Variants in TATDN1 observed in about 807,000 individuals in gnomAD.
TATDN1 encodes TatD DNase domain containing 1, also known as deoxyribonuclease TATDN1.
TATDN1 carries 40 observed loss-of-function variants against 46.4 expected under a neutral mutation model. That is an observed-to-expected ratio of 0.86 (90% CI 0.67 to 1.12). The LOEUF (loss-of-function observed/expected upper bound fraction) is 1.12. Ranked by LOEUF, TATDN1 falls within the 50% of genes most tolerant of loss-of-function variation. TATDN1 has a pLI of 0.00. For missense variants in TATDN1, 326 were observed against 348.4 expected, an observed-to-expected ratio of 0.94 and a Z score of 0.51; for synonymous variants, 95 against 105.6, an observed-to-expected ratio of 0.90 and a Z score of 0.62.
rs1407288151 is a variant in TATDN1, at chr8:124,539,002, G to C, written c.22+23C>G. ...CCGGGACAAGTCAGAAAGACCCAAGGGCGTGGAAAACGCTCCTCTTACCGA... is the reference window on the plus strand; with the variant it reads ...CCGGGACAAGTCAGAAAGACCCAAGCGCGTGGAAAACGCTCCTCTTACCGA... On this transcript the variant is annotated intron_variant, in intron 1 of 11. Coordinates refer to ENST00000276692, the MANE Select transcript of TATDN1 (RefSeq NM_032026.4). 3 of 1,613,950 alleles carry C rather than the reference G, an allele frequency of 1.9e-6. No individual in the cohort carries two copies. In the Admixed American group the frequency reaches 5.0e-5, roughly 27 times the overall value.
At chr8:124,519,638 CA>C (rs1424664844) in intron 3 of TATDN1, among the ~76,000 whole-genome samples, 4 of 152,084 alleles carry the variant, frequency 2.6e-5, no homozygotes, top group Non-Finnish European at 5.9e-5. Context: ...CTCACACAAA[CA>C]AAAGCTCTTT....
At chr8:124,517,211 CGAGGTCAGGAGTTCAA>C in intron 4 of TATDN1, among the ~76,000 whole-genome samples, 1 of 152,248 alleles carries the variant, frequency 6.6e-6, no homozygotes, top group South Asian at 2.1e-4. Flanking sequence ...GGGCAGATCA[CGAGGTCAGGAGTTCAA>C]GACCAGCCTG....
chr8:124,517,900 A>G (rs376237152), intron 4 of TATDN1, among the ~76,000 whole-genome samples: 14 of 152,136 alleles, frequency 9.2e-5, no homozygotes, highest in African/African-American at 3.1e-4. Context: ...AAACACACAC[A>G]TGAATTCCAC....
At chr8:124,518,260 C>T (rs1819694286) in intron 4 of TATDN1, among the ~76,000 whole-genome samples, 1 of 140,206 alleles carries the variant, frequency 7.1e-6, no homozygotes, top group South Asian at 2.3e-4. Flanking sequence ...TGCAGTGGCT[C>T]ACGCCTGTAA....
In TATDN1 at chr8:124,503,632, A is replaced by G. The variant is rs146787383; in HGVS notation, c.593+639T>C. On this transcript the variant is annotated intron_variant, in intron 9 of 11. Coordinates refer to ENST00000276692, the MANE Select transcript of TATDN1 (RefSeq NM_032026.4). ...GAAGAAGGACAGAAACTCCTATACT[A>G]TTTTGCAACTGATTTAATAGGCTAC... Among the ~76,000 whole-genome samples, 173 of 152,322 alleles carry G rather than the reference A, an allele frequency of 1.1e-3. 1 individual carries two copies. The highest frequency in any genetic ancestry group is 3.9e-3 in the African/African-American group (164 of 41,574).
chr8:124,491,268 G>A lies in TATDN1; in HGVS notation c.791+2565C>T, dbSNP rs565479421. The A allele has an allele frequency of 2.6e-5, 4 of 152,218 alleles. No homozygotes were observed. In the East Asian group the frequency reaches 7.7e-4, roughly 29 times the overall value. 9.4% of individuals were successfully genotyped at this position (152,218 alleles called of 1,614,324 possible). On this transcript the variant is annotated intron_variant, in intron 11 of 11. Transcript: ENST00000276692. ...GGCATATAAGAGCCCTCACAATCTGGGCTCACTCTACCTTCCCAGACTTGA... is the reference window on the plus strand; with the variant it reads ...GGCATATAAGAGCCCTCACAATCTGAGCTCACTCTACCTTCCCAGACTTGA...
intron 8 of TATDN1, among the ~76,000 whole-genome samples, chr8:124,507,174 T>A (rs1210509510): frequency 6.7e-6 from 1 of 149,994 alleles, no homozygotes; most frequent in Non-Finnish European, 1.5e-5. Context: ...AAAAAAAAAA[T>A]CACTGCCATA....
chr8:124,524,040 C>T (rs1012995535), intron 1 of TATDN1, among the ~76,000 whole-genome samples: 5 of 152,110 alleles, frequency 3.3e-5, no homozygotes, highest in East Asian at 1.9e-4. Flanking sequence ...TCAAAATTTG[C>T]GGTGGTGGTA....
intron 1 of TATDN1, 85 bp downstream of exon 1, chr8:124,538,940 C>T: frequency 3.2e-6 from 5 of 1,545,502 alleles, no homozygotes; most frequent in Non-Finnish European, 3.6e-6. Flanking sequence ...TGCCGGAGGG[C>T]GCAATTCCTG....
intron 4 of TATDN1, among the ~76,000 whole-genome samples, chr8:124,516,944 T>C (rs1375871719): frequency 6.6e-6 from 1 of 152,032 alleles, no homozygotes; most frequent in East Asian, 1.9e-4. Context: ...ATGTAGATGT[T>C]TAGAAAAAAA....
At chr8:124,494,376 A>G (rs1378750905) in intron 10 of TATDN1, 1 of 153,040 alleles carries the variant, frequency 6.5e-6, no homozygotes, top group African/African-American at 2.4e-5. Flanking sequence ...AATATTTTTT[A>G]ATAAAGAATT....
intron 1 of TATDN1, among the ~76,000 whole-genome samples, chr8:124,531,574 C>T (rs1322530127): frequency 6.6e-6 from 1 of 152,190 alleles, no homozygotes; most frequent in Non-Finnish European, 1.5e-5. Flanking sequence ...TTGGCCACCA[C>T]CATAGCTGTT....
intron 1 of TATDN1, among the ~76,000 whole-genome samples, chr8:124,535,640 T>C (rs1373173551): frequency 2.6e-5 from 4 of 152,130 alleles, no homozygotes; most frequent in Admixed American, 2.6e-4. Flanking sequence ...CTACAGAAGA[T>C]CTGGAAAGAT....
At chr8:124,508,379 G>A in intron 8 of TATDN1, 95 bp downstream of exon 8, 1 of 1,047,156 alleles carries the variant, frequency 9.5e-7, no homozygotes, top group Non-Finnish European at 1.4e-6. Context: ...TGCTTAAAAA[G>A]GTTCAGATTT....
intron 4 of TATDN1, among the ~76,000 whole-genome samples, chr8:124,517,376 C>T (rs943916553): frequency 6.8e-6 from 1 of 147,602 alleles, no homozygotes; most frequent in Admixed American, 6.9e-5. Context: ...TGCCGTGAGC[C>T]GAGATCGTGC....
chr8:124,497,907 C>T (rs569896159), intron 9 of TATDN1, among the ~76,000 whole-genome samples: 4 of 152,292 alleles, frequency 2.6e-5, no homozygotes, highest in South Asian at 4.1e-4. Flanking sequence ...ATCTTTCTGT[C>T]AAGTGTTGAT....
chr8:124,505,348 C>T (rs909270004), intron 8 of TATDN1, among the ~76,000 whole-genome samples: 1 of 151,726 alleles, frequency 6.6e-6, no homozygotes, highest in Non-Finnish European at 1.5e-5. Context: ...CACATCATTA[C>T]ACTCCAGCCT....
chr8:124,515,114 G>A (rs774535693), intron 6 of TATDN1, among the ~76,000 whole-genome samples: 4 of 152,078 alleles, frequency 2.6e-5, no homozygotes, highest in Non-Finnish European at 4.4e-5. Context: ...AATATCCTTT[G>A]CTCTTAAATT....
chr8:124,506,250 GCTTGAA>G (rs1818405344), intron 8 of TATDN1, among the ~76,000 whole-genome samples: 1 of 143,698 alleles, frequency 7.0e-6, no homozygotes, highest in Non-Finnish European at 1.5e-5. Flanking sequence ...CAAAAGAATT[GCTTGAA>G]CTTGGAAGAC....
Sources: gnomAD v4.1 joint callset for allele counts (sites outside exome capture counted in the v4.1 genomes callset) on GRCh38, gnomAD v4.1.1 for gene constraint, MANE v1.5 for transcripts, NCBI Gene and HGNC (gene_info 2026-07-23, HGNC 2026-07-21) for gene names.